The following NDUFAF6 variants were observed in gnomAD, a reference collection of about 807,000 sequenced individuals.
NDUFAF6 encodes the protein NADH:ubiquinone oxidoreductase complex assembly factor 6, also known as NADH dehydrogenase (ubiquinone) complex I, assembly factor 6.
In NDUFAF6, 45 loss-of-function variants were observed where a neutral mutation model predicts 40.8. The ratio of observed to expected loss-of-function variants is 1.10; its 90% confidence interval spans 0.87 to 1.42. The LOEUF is 1.42. Ranked by LOEUF, NDUFAF6 falls within the 40% of genes most tolerant of loss-of-function variation. The pLI, the probability that NDUFAF6 is intolerant of heterozygous loss-of-function variation, is 0.00. For synonymous variants in NDUFAF6, 185 were observed against 155.9 expected (o/e 1.19, Z -1.39); for missense variants, 435 against 418.5 (o/e 1.04, Z -0.34).
chr8:94,934,550 T>C (rs1820777395), intron 1 of NDUFAF6, among the ~76,000 whole-genome samples: 1 of 152,006 alleles, frequency 6.6e-6, no homozygotes, highest in South Asian at 2.1e-4. Flanking sequence ...CAAGCCTGGC[T>C]AATTTTTGTA....
At chr8:94,975,143 T>C (rs960325354) in intron 1 of NDUFAF6, among the ~76,000 whole-genome samples, 3 of 152,178 alleles carry the variant, frequency 2.0e-5, no homozygotes, top group African/African-American at 7.2e-5. Context: ...ATAGAGCAAG[T>C]CTTCCTCCAC....
chr8:94,904,384 G>A (rs908094394), intron 1 of NDUFAF6, among the ~76,000 whole-genome samples: 1 of 118,766 alleles, frequency 8.4e-6, no homozygotes, highest in African/African-American at 3.4e-5. Flanking sequence ...CACCGTGTTA[G>A]CCAGGATGGT....
At chr8:94,949,564 A>T (rs897177834) in intron 2 of NDUFAF6, among the ~76,000 whole-genome samples, 1 of 151,268 alleles carries the variant, frequency 6.6e-6, no homozygotes, top group South Asian at 2.1e-4. Context: ...GGCAACAAAA[A>T]CCGGGAGCTG....
At chr8:95,046,206 A>G (rs1291206750) in intron 5 of NDUFAF6, among the ~76,000 whole-genome samples, 2 of 151,974 alleles carry the variant, frequency 1.3e-5, no homozygotes, top group Non-Finnish European at 2.9e-5. Flanking sequence ...GACTACAGGG[A>G]CGTGCCACCA....
At chr8:94,980,722 T>G (rs1586886530) in intron 1 of NDUFAF6, 1 of 252,184 alleles carries the variant, frequency 4.0e-6, no homozygotes, top group East Asian at 9.5e-5. Context: ...AAGTTTGGGT[T>G]TGAAGGTGTA....
At chr8:94,977,140 G>GAA (rs999161388) in intron 1 of NDUFAF6, among the ~76,000 whole-genome samples, 17 of 66,840 alleles carry the variant, frequency 2.5e-4, no homozygotes, top group South Asian at 5.1e-4. Context: ...CCCTGACTCA[G>GAA]AAAAAAAAAA....
rs187045851 is a variant in NDUFAF6, at chr8:94,919,260, C to T, written c.-936+23333C>T. The stretch of plus-strand genomic sequence containing the variant: ...GCAGAGGCACAATCACAGCTCACTT[C>T]AGCCTTGATCTCGCAGGCTCAACCA... On this transcript the variant is annotated intron_variant, in intron 1 of 14. Coordinates refer to the NDUFAF6 transcript ENST00000396113. 3.4e-3 allele frequency among the ~76,000 whole-genome samples: 520 copies of T among 152,254 alleles called. 1 individual carries two copies. Among genetic ancestry groups the T allele is most frequent in the Non-Finnish European group, 5.7e-3 (389 of 68,012 alleles).
intron 2 of NDUFAF6, among the ~76,000 whole-genome samples, chr8:94,999,281 A>G (rs141083182): frequency 0.01 from 1,537 of 151,952 alleles, 29 homozygotes; most frequent in African/African-American, 0.035. Flanking sequence ...ACGCCACCAC[A>G]CCCAGCTAAT....
chr8:94,973,797 A>G (rs1448893920), intron 1 of NDUFAF6, among the ~76,000 whole-genome samples: 4 of 148,734 alleles, frequency 2.7e-5, no homozygotes, highest in Admixed American at 1.3e-4. Flanking sequence ...AGGTGGAAGG[A>G]TTACTTGAGG....
chr8:94,898,388 G>A (rs1260782410), intron 1 of NDUFAF6, among the ~76,000 whole-genome samples: 1 of 152,156 alleles, frequency 6.6e-6, no homozygotes, highest in Non-Finnish European at 1.5e-5. Context: ...TAACAGTTTT[G>A]AGGAGTGCTG....
At chr8:94,957,689 G>A (rs1823198159), upstream of NDUFAF6, among the ~76,000 whole-genome samples, 3 of 152,184 alleles carry the variant, frequency 2.0e-5, no homozygotes, top group Admixed American at 1.3e-4. Context: ...AGTCTAAGAA[G>A]ATGTGTGTTT....
Position 95,025,180 on chromosome 8 carries a change from G to T in NDUFAF6, c.172G>T (p.Asp58Tyr). The change falls in exon 1 of 9, where the codon GAC becomes TAC. Residue 58 changes from aspartate to tyrosine, a missense_variant. Asp to Tyr is a radical substitution (Grantham distance 160). Coordinates refer to ENST00000396124, the MANE Select transcript of NDUFAF6 (RefSeq NM_152416.4). The stretch of plus-strand genomic sequence containing the variant: ...CAGCGGACCGGGCGCCTGGGGCACT[G>T]ACCACTACTGCCTGGAGCTGCTGCG... The part of the protein sequence containing the change: ...AASGPGAWGT[D>Y]HYCLELLRKR... 1.4e-6 allele frequency: 2 copies of T among 1,474,524 alleles called. No homozygotes were observed. The highest frequency in any genetic ancestry group is 2.6e-5 in the South Asian group (2 of 75,726). 91.3% of individuals were successfully genotyped at this position (1,474,524 alleles called of 1,614,324 possible). A position where few individuals can be genotyped will look rare whatever the true frequency, so the allele number is the denominator to read the frequency against.
intron 6 of NDUFAF6, 112 bp downstream of exon 6, chr8:95,047,239 T>TA (rs1830879467): frequency 1.4e-6 from 2 of 1,417,458 alleles, no homozygotes; most frequent in Non-Finnish European, 2.0e-6. Context: ...AAGGAATGCT[T>TA]ATTGCTTACT....
intron 1 of NDUFAF6, chr8:94,974,914 C>T (rs1434371586): frequency 6.6e-6 from 1 of 152,304 alleles, no homozygotes; most frequent in African/African-American, 2.4e-5. Context: ...GATGTTTGTC[C>T]AAGGGTCAAC....
intron 2 of NDUFAF6, among the ~76,000 whole-genome samples, chr8:95,088,687 TTTTGTGTG>T (rs1440672587): frequency 6.3e-5 from 8 of 126,874 alleles, no homozygotes; most frequent in African/African-American, 6.7e-5. Context: ...TTTTTTGGGG[TTTTGTGTG>T]TGTGTGTGTG....
intron 5 of NDUFAF6, among the ~76,000 whole-genome samples, chr8:95,046,638 A>G (rs2131896162): frequency 6.6e-6 from 1 of 152,366 alleles, no homozygotes; most frequent in Non-Finnish European, 1.5e-5. Flanking sequence ...AAAGAGTAGA[A>G]TGTTTGTTAA....
chr8:95,074,490 T>A (rs1481182851), intron 9 of NDUFAF6, among the ~76,000 whole-genome samples: 3 of 151,370 alleles, frequency 2.0e-5, no homozygotes, highest in African/African-American at 7.3e-5. Context: ...TGGCCCTGGG[T>A]TTCTAACCAC....
chr8:95,089,727 G>A (rs972844215), intron 2 of NDUFAF6, among the ~76,000 whole-genome samples: 5 of 152,206 alleles, frequency 3.3e-5, no homozygotes, highest in Non-Finnish European at 7.3e-5. Flanking sequence ...CAGGCATGAG[G>A]TGAGGTCACT....
chr8:95,006,322 T>A (rs1280218375), intron 2 of NDUFAF6, among the ~76,000 whole-genome samples: 11 of 126,528 alleles, frequency 8.7e-5, no homozygotes, highest in African/African-American at 3.4e-4. Flanking sequence ...GCCACTGCAC[T>A]CTAGCCTAGG....
Sources: allele counts gnomAD v4.1 joint callset (sites outside exome capture counted in the v4.1 genomes callset), GRCh38; gene constraint gnomAD v4.1.1; transcripts MANE v1.5; gene names NCBI Gene and HGNC (gene_info 2026-07-23, HGNC 2026-07-21).